The following OLFM1 variants were observed in gnomAD, a reference collection of about 807,000 sequenced individuals.
OLFM1 encodes the protein olfactomedin 1.
A neutral mutation model predicts 49.7 loss-of-function variants in OLFM1; 9 were observed. That is an observed-to-expected ratio of 0.18 (90% confidence interval 0.11 to 0.32). The LOEUF (loss-of-function observed/expected upper bound fraction) is 0.32. Among genes scored for constraint, OLFM1 ranks in the 10% least tolerant of loss-of-function variants. The pLI is 1.00. For synonymous variants in OLFM1, 240 were observed against 271.8 expected (o/e 0.88, Z 1.15); for missense variants, 369 against 661.8 (o/e 0.56, Z 4.85).
At chr9:135,087,635 CCGCGGCCCCCGCG>C, upstream of OLFM1, 1 of 575,592 alleles carries the variant, frequency 1.7e-6, no homozygotes, top group Non-Finnish European at 2.5e-6. Context: ...CGCCTCCCGG[CCGCGGCCCCCGCG>C]CGCAGCCCGC....
rs191895468 is a variant in OLFM1, at chr9:135,101,179, G to A, written c.676+2674G>A. Among the ~76,000 whole-genome samples the A allele has an allele frequency of 2.0e-4, 30 of 152,292 alleles. No individual in the cohort carries two copies. The South Asian group carries it at 2.7e-3, about 14-fold the overall frequency. On this transcript the variant is annotated intron_variant, in intron 4 of 5. Transcript: ENST00000371793. ...CTTCTGCAAGGTGGAGCCGGCACCC[G>A]CTGCCGGCCGTCCTGGGTGGTGAGG...
chr9:135,095,805 G>A (rs1830781486), intron 2 of OLFM1, 59 bp from the exon 3 acceptor site: 1 of 1,585,248 alleles, frequency 6.3e-7, no homozygotes, highest in Non-Finnish European at 8.6e-7. Flanking sequence ...CGAGCAGGCA[G>A]AGAAGATTGC....
At chr9:135,079,765 G>A (rs535552658) in intron 1 of OLFM1, among the ~76,000 whole-genome samples, 17 of 152,240 alleles carry the variant, frequency 1.1e-4, no homozygotes, top group South Asian at 1.0e-3. Flanking sequence ...CATTAGCCAC[G>A]CATCCCCAGG....
At chr9:135,104,568 C>T (rs936178719) in intron 4 of OLFM1, among the ~76,000 whole-genome samples, 2 of 152,206 alleles carry the variant, frequency 1.3e-5, no homozygotes, top group African/African-American at 4.8e-5. Flanking sequence ...CGCCACTCCT[C>T]TAGGCTTCTC....
chr9:135,107,845 C>T (rs926527310), intron 5 of OLFM1, among the ~76,000 whole-genome samples: 1 of 152,230 alleles, frequency 6.6e-6, no homozygotes, highest in Non-Finnish European at 1.5e-5. Flanking sequence ...AAGGGATGGA[C>T]CCAGCTCTCT....
chr9:135,090,039 C>T lies in OLFM1; in HGVS notation c.151-156C>T, dbSNP rs73664049. On this transcript the variant is annotated intron_variant, in intron 1 of 5. Transcript: ENST00000371793. ...GCCTCTTTGTTCCCAGGGACCCTTT[C>T]TTCCCTTTGGGTCAAACATGTCTTG... 9.4e-3 allele frequency among the ~76,000 whole-genome samples: 1,430 copies of T among 152,344 alleles called. 25 individuals carry two copies. Among genetic ancestry groups the T allele is most frequent in the African/African-American group, 0.033 (1,358 of 41,576 alleles).
intron 2 of OLFM1, among the ~76,000 whole-genome samples, chr9:135,094,487 C>T (rs1215809906): frequency 6.6e-6 from 1 of 151,870 alleles, no homozygotes; most frequent in Non-Finnish European, 1.5e-5. Flanking sequence ...TTCAAAGTGA[C>T]AGAGGAAGAC....
chr9:135,087,405 GGCCGTGCCCCCAGCTGGAGTCCCCGC>G, upstream of OLFM1: 1 of 1,546,408 alleles, frequency 6.5e-7, no homozygotes, highest in Non-Finnish European at 8.7e-7. Context: ...GAGGGCCGCG[GGCCGTGCCCCCAGCTGGAGTCCCCGC>G]GCCGCCGCCG....
At chr9:135,082,094 C>T (rs557452541) in intron 1 of OLFM1, among the ~76,000 whole-genome samples, 34 of 152,346 alleles carry the variant, frequency 2.2e-4, no homozygotes, top group African/African-American at 7.2e-4. Context: ...CAGACCTGCT[C>T]GCCCCAAAAG....
chr9:135,101,500 C>A (rs76201276), intron 4 of OLFM1, among the ~76,000 whole-genome samples: 19,733 of 152,220 alleles, frequency 0.13, 1,368 homozygotes, highest in African/African-American at 0.15. Context: ...TTTTCAGTTT[C>A]CAATTCTGAA....
chr9:135,108,637 AAAAAAAAAC>A (rs917434202), intron 5 of OLFM1, among the ~76,000 whole-genome samples: 2 of 151,990 alleles, frequency 1.3e-5, no homozygotes, highest in African/African-American at 4.8e-5. Flanking sequence ...TGTCTCAAAA[AAAAAAAAAC>A]AAAAAAAACA....
Position 135,090,294 on chromosome 9 carries a change from A to G in OLFM1, c.250A>G (p.Met84Val), listed in dbSNP as rs1830664686. 1 of 1,614,090 alleles carries G rather than the reference A, an allele frequency of 6.2e-7. No individual in the cohort carries two copies. Among genetic ancestry groups the G allele is most frequent in the Non-Finnish European group, 8.5e-7 (1 of 1,180,026 alleles). ...ICTVVAPQQT[M>V]CSRDARTKQL... ...CACAGTGGTCGCTCCACAGCAGACC[A>G]TGTGTTCACGGGATGCCCGCACAAA... The change falls in exon 2 of 6, where the codon ATG (methionine) becomes GTG (valine). Residue 84 changes from methionine (M) to valine (V), a missense_variant. Around this residue, in one of 3 missense-constraint regions of OLFM1, gnomAD observed 294 missense variants for 567.5 expected, o/e 0.52. Coordinates refer to ENST00000371793, the MANE Select transcript of OLFM1 (RefSeq NM_001282611.2).
At position 135,117,899 on chromosome 9, in the gene OLFM1, C is replaced by T. The variant is rs1831116830; in HGVS notation, c.784-1605C>T. On this transcript the variant is annotated intron_variant, in intron 5 of 5. Transcript: ENST00000371793. The surrounding 1 kb of genome is among the most constrained non-coding windows in gnomAD (Gnocchi z 5.5). ...TTCTTCAAACTGTGTGTTCCCATCT[C>T]ACCTTCCCACTAGACCCTTTCTTCA... 6.6e-6 allele frequency among the ~76,000 whole-genome samples: 1 copy of T among 152,268 alleles called. No homozygotes were observed. The highest frequency in any genetic ancestry group is 1.5e-5 in the Non-Finnish European group (1 of 68,048).
chr9:135,090,378 G>GTGTC, intron 2 of OLFM1, 34 bp downstream of exon 2: 1 of 1,525,682 alleles, frequency 6.6e-7, no homozygotes, highest in African/African-American at 1.7e-5. Flanking sequence ...GTTTGTATGT[G>GTGTC]TGTGTGTTTG....
chr9:135,089,033 A>T (rs1395112490), intron 1 of OLFM1, among the ~76,000 whole-genome samples: 1 of 152,124 alleles, frequency 6.6e-6, no homozygotes, highest in Non-Finnish European at 1.5e-5. Context: ...CTTTAGGCTG[A>T]AAGGAGAGGT....
At chr9:135,082,011 GCTT>G (rs1355192793) in intron 1 of OLFM1, among the ~76,000 whole-genome samples, 1 of 152,230 alleles carries the variant, frequency 6.6e-6, no homozygotes, top group East Asian at 1.9e-4. Flanking sequence ...TCCTGTCCCT[GCTT>G]CTTCTGTGCT....
At chr9:135,079,214 A>G (rs531337991) in intron 1 of OLFM1, among the ~76,000 whole-genome samples, 2 of 152,304 alleles carry the variant, frequency 1.3e-5, no homozygotes, top group Non-Finnish European at 2.9e-5. Flanking sequence ...TGCTCTGGGT[A>G]GGAGTTGGGG....
chr9:135,104,325 C>T (rs937600596), intron 4 of OLFM1, among the ~76,000 whole-genome samples: 5 of 152,234 alleles, frequency 3.3e-5, no homozygotes, highest in African/African-American at 9.6e-5. Context: ...GGCCAGGCGG[C>T]GGAGAGGAGC....
At chr9:135,094,262 T>A (rs1830755844) in intron 2 of OLFM1, among the ~76,000 whole-genome samples, 2 of 152,194 alleles carry the variant, frequency 1.3e-5, no homozygotes, top group Non-Finnish European at 2.9e-5. Flanking sequence ...CCCATGAGCA[T>A]CCTGTCCGGA....
Sources: gnomAD v4.1 joint callset for allele counts (sites outside exome capture counted in the v4.1 genomes callset) on GRCh38, gnomAD v4.1.1 for gene constraint, gnomAD v4.1.1 regional missense constraint, Gnocchi (gnomAD v3.1) non-coding constraint, MANE v1.5 for transcripts, NCBI Gene and HGNC (gene_info 2026-07-23, HGNC 2026-07-21) for gene names.